Variants in RASGRF2 observed in about 807,000 individuals in gnomAD.
The protein encoded by RASGRF2 is ras-specific guanine nucleotide-releasing factor 2.
Under a neutral mutation model 151.0 loss-of-function variants are expected in RASGRF2, and 76 were observed. The ratio of observed to expected loss-of-function variants is 0.50; its 90% CI spans 0.42 to 0.61. The LOEUF (loss-of-function observed/expected upper bound fraction) is 0.61, where lower values mean the gene tolerates loss of function less well. Among genes scored for constraint, RASGRF2 ranks in the 20% least tolerant of loss-of-function variants. RASGRF2 has a pLI of 0.00. For synonymous variants in RASGRF2, 504 were observed against 566.5 expected (o/e 0.89, Z 1.57); for missense variants, 1,148 against 1,564.6 (o/e 0.73, Z 4.49).
intron 17 of RASGRF2, among the ~76,000 whole-genome samples, chr5:81,151,160 C>T (rs377264849): frequency 7.9e-5 from 12 of 152,142 alleles, no homozygotes; most frequent in African/African-American, 2.9e-4. Context: ...TATCTGACTG[C>T]GAAGAACCAA....
Position 81,181,245 on chromosome 5 carries a change from C to T in RASGRF2, c.2793+964C>T, listed in dbSNP as rs570932495. Among the ~76,000 whole-genome samples the T allele has an allele frequency of 2.0e-3, 310 of 152,264 alleles. 1 individual carries two copies. Among genetic ancestry groups the T allele is most frequent in the African/African-American group, 7.0e-3 (289 of 41,538 alleles). ...CACAGAGCCCATCACATGTCTGCTGCGTGGTCCTCGGTAGTGACAGTCTGT... is the reference window on the plus strand; with the variant it reads ...CACAGAGCCCATCACATGTCTGCTGTGTGGTCCTCGGTAGTGACAGTCTGT... On this transcript the variant is annotated intron_variant, in intron 18 of 26. Coordinates refer to ENST00000265080, the MANE Select transcript of RASGRF2 (RefSeq NM_006909.3).
intron 5 of RASGRF2, among the ~76,000 whole-genome samples, chr5:81,074,862 G>A (rs1751890831): frequency 6.6e-6 from 1 of 152,186 alleles, no homozygotes; most frequent in Non-Finnish European, 1.5e-5. Flanking sequence ...GCTTTCACGT[G>A]CCCGGCAGTC....
At chr5:81,157,291 G>A (rs1754283050) in intron 17 of RASGRF2, among the ~76,000 whole-genome samples, 2 of 151,370 alleles carry the variant, frequency 1.3e-5, no homozygotes, top group Admixed American at 6.6e-5. Context: ...GGAGGCGGGA[G>A]GTTGCAGTGA....
intron 18 of RASGRF2, among the ~76,000 whole-genome samples, chr5:81,195,109 C>G (rs915283338): frequency 5.9e-5 from 9 of 152,208 alleles, no homozygotes; most frequent in African/African-American, 2.2e-4. Context: ...GATTCGCTCT[C>G]CTGGCGCATG....
At chr5:81,123,257 G>T (rs1306446192) in intron 15 of RASGRF2, among the ~76,000 whole-genome samples, 1 of 152,146 alleles carries the variant, frequency 6.6e-6, no homozygotes, top group African/African-American at 2.4e-5. Context: ...CACAGGCAAA[G>T]AACTGGTGAA....
intron 25 of RASGRF2, 105 bp downstream of exon 25, chr5:81,217,578 T>C (rs1477444477): frequency 6.8e-6 from 5 of 740,302 alleles, no homozygotes; most frequent in African/African-American, 2.0e-5. Context: ...TCTCTTCTTT[T>C]TTTTTTTTTT....
At chr5:81,086,239 C>G (rs115351810) in intron 8 of RASGRF2, among the ~76,000 whole-genome samples, 1,768 of 151,964 alleles carry the variant, frequency 0.012, 27 homozygotes, top group African/African-American at 0.035. Flanking sequence ...GTGGTGTGCA[C>G]CTGTAGTCCC....
Position 81,177,018 on chromosome 5 carries a change from C to T in RASGRF2, c.2687-3157C>T, listed in dbSNP as rs192968604. 1.2e-3 allele frequency among the ~76,000 whole-genome samples: 183 copies of T among 152,216 alleles called. 1 individual carries two copies. In the East Asian group the frequency reaches 0.012, roughly 10 times the overall value. On this transcript the variant is annotated intron_variant, in intron 17 of 26. Transcript: ENST00000265080. ...GTCTCAGTTCCCATCTCCCCATTCC[C>T]ACTTCATGAAGGTCCTGGGGCTTCT...
intron 15 of RASGRF2, among the ~76,000 whole-genome samples, chr5:81,122,411 G>A (rs189991423): frequency 6.4e-4 from 97 of 152,222 alleles, no homozygotes; most frequent in Non-Finnish European, 1.0e-3. Context: ...ATCTTGCATC[G>A]TTGCCAGCTT....
intron 19 of RASGRF2, among the ~76,000 whole-genome samples, chr5:81,202,758 C>T (rs760143245): frequency 2.6e-5 from 4 of 152,204 alleles, no homozygotes; most frequent in Non-Finnish European, 5.9e-5. Context: ...AAGAAGTCAA[C>T]CATGGAAGAC....
rs1439837250 is a variant in RASGRF2, at chr5:81,084,825, G to A, written c.1162-977G>A. ...GAGTGAGACCTCAGTCCCCGCAGAC[G>A]AGAGCTCCCAGGGTGAGTTCTGAGA... On this transcript the variant is annotated intron_variant, in intron 7 of 26. Transcript: ENST00000265080. 2.6e-5 allele frequency among the ~76,000 whole-genome samples: 4 copies of A among 152,188 alleles called. 1 individual carries two copies. The highest frequency in any genetic ancestry group is 1.3e-4 in the Admixed American group (2 of 15,280).
In RASGRF2 at chr5:81,068,167, G is replaced by C. The variant is rs1340613817; in HGVS notation, c.531G>C (p.Arg177Ser). ...QLEDQDTEIE[R>S]LKSEIIALNK... ...AAGATCAAGACACAGAAATCGAAAG[G>C]CTTAAATCAGAGGTATTTCCCAGTC... is the stretch of plus-strand genomic sequence containing the variant. The change falls in exon 3 of 27, where the codon AGG becomes AGC. Residue 177 changes from arginine (R) to serine (S), a missense_variant. Arg to Ser is a moderately radical substitution (Grantham distance 110). This residue lies in a region of RASGRF2 where 221 missense variants were observed against 271.3 expected (regional missense o/e 0.81). Coordinates refer to ENST00000265080, the MANE Select transcript of RASGRF2 (RefSeq NM_006909.3). 1 of 1,610,084 alleles carries C rather than the reference G, an allele frequency of 6.2e-7. No individual in the cohort carries two copies.
At chr5:81,127,263 A>G (rs1477032862) in intron 17 of RASGRF2, 100 bp downstream of exon 17, 2 of 1,231,958 alleles carry the variant, frequency 1.6e-6, no homozygotes, top group African/African-American at 1.5e-5. Context: ...CAGCTCTCAC[A>G]CTGGAATCCC....
chr5:81,167,354 G>A lies in RASGRF2; in HGVS notation c.2687-12821G>A, dbSNP rs377313825. Among the ~76,000 whole-genome samples, 15 of 152,258 alleles carry A rather than the reference G, an allele frequency of 9.9e-5. 2 individuals are homozygous for A. The highest frequency in any genetic ancestry group is 3.6e-4 in the African/African-American group (15 of 41,544). Reference sequence around the variant, plus strand: ...ATTGTTTCTGCCCCATAGCAGCCTCGGATGAGGGGGCAGGGCAGAAAAGCA... The same window carrying A: ...ATTGTTTCTGCCCCATAGCAGCCTCAGATGAGGGGGCAGGGCAGAAAAGCA... On this transcript the variant is annotated intron_variant, in intron 17 of 26. Coordinates refer to ENST00000265080, the MANE Select transcript of RASGRF2 (RefSeq NM_006909.3).
intron 13 of RASGRF2, 133 bp from the exon 14 acceptor site, chr5:81,112,477 C>A: frequency 8.3e-7 from 1 of 1,201,424 alleles, no homozygotes; most frequent in Non-Finnish European, 1.2e-6. Context: ...GACAACTGTG[C>A]AATTATCTCT....
intron 17 of RASGRF2, among the ~76,000 whole-genome samples, chr5:81,162,716 G>A (rs979437559): frequency 9.2e-5 from 14 of 152,134 alleles, no homozygotes; most frequent in Non-Finnish European, 4.4e-5. Flanking sequence ...TCTGACATCC[G>A]ACAGGAAAAA....
chr5:81,123,619 A>C, intron 15 of RASGRF2, 23 bp from the exon 16 acceptor site: 6 of 1,602,028 alleles, frequency 3.7e-6, no homozygotes, highest in Non-Finnish European at 5.1e-6. Context: ...CTGGTTGTTA[A>C]AATTCATGAT....
intron 17 of RASGRF2, among the ~76,000 whole-genome samples, chr5:81,179,517 T>C (rs1157057034): frequency 6.6e-6 from 1 of 152,240 alleles, no homozygotes; most frequent in Non-Finnish European, 1.5e-5. Context: ...ATAATGATTG[T>C]AGATATTATA....
chr5:81,082,261 G>A (rs374525599), intron 7 of RASGRF2, among the ~76,000 whole-genome samples: 33 of 152,170 alleles, frequency 2.2e-4, no homozygotes, highest in African/African-American at 3.6e-4. Flanking sequence ...CTGTACTTTC[G>A]CTGTAGATGA....
Sources: allele counts gnomAD v4.1 joint callset (sites outside exome capture counted in the v4.1 genomes callset), GRCh38; gene constraint gnomAD v4.1.1; regional missense constraint gnomAD v4.1.1; transcripts MANE v1.5; gene names NCBI Gene and HGNC (gene_info 2026-07-23, HGNC 2026-07-21).